The following KCNG3 variants were observed in gnomAD, a reference collection of about 807,000 sequenced individuals.
KCNG3 encodes potassium voltage-gated channel modifier subfamily G member 3.
KCNG3 carries 15 observed loss-of-function variants against 29.0 expected under a neutral mutation model. The observed-to-expected ratio is 0.52, with a 90% CI of 0.35 to 0.80. The LOEUF (loss-of-function observed/expected upper bound fraction) is 0.80, where lower values mean the gene tolerates loss of function less well. KCNG3 is among the 30% of genes least tolerant of loss of function. KCNG3 has a pLI of 0.01. For synonymous variants in KCNG3, 322 were observed against 248.9 expected (o/e 1.29, Z -2.76); for missense variants, 512 against 605.7 (o/e 0.85, Z 1.62).
At chr2:42,405,953 G>C in the KCNG3 span, among the ~76,000 whole-genome samples, 1 of 151,454 alleles carries the variant, frequency 6.6e-6, no homozygotes, top group African/African-American at 2.4e-5. Flanking sequence ...ATGTTGGCCA[G>C]GCTGGTCTTG....
rs756640865 is a variant in KCNG3, at chr2:42,479,577, T to C, written c.665+13260A>G. 2.0e-5 allele frequency among the ~76,000 whole-genome samples: 3 copies of C among 149,258 alleles called. No homozygotes were observed. In the Admixed American group the frequency reaches 2.0e-4, roughly 10 times the overall value. ...AGGAGGGTCGCTTGAGCTCAGTAGG[T>C]CGAGGCTGCAGTGAGCCAAGATAGC... On this transcript the variant is annotated intron_variant, in intron 1 of 1. Coordinates refer to ENST00000306078, the MANE Select transcript of KCNG3 (RefSeq NM_133329.6).
chr2:42,428,999 A>C, the KCNG3 span, among the ~76,000 whole-genome samples: 3 of 152,060 alleles, frequency 2.0e-5, no homozygotes, highest in Admixed American at 2.0e-4. Context: ...CACTCTTGTA[A>C]TCCCAGCTAC....
At chr2:42,437,844 C>T (rs569813548), downstream of KCNG3, among the ~76,000 whole-genome samples, 3 of 149,260 alleles carry the variant, frequency 2.0e-5, no homozygotes, top group Admixed American at 1.4e-4. Context: ...AGGCTGAGGC[C>T]GGAGAATTGC....
intron 1 of KCNG3, among the ~76,000 whole-genome samples, chr2:42,458,497 CA>C (rs1473519591): frequency 2.0e-5 from 3 of 151,730 alleles, no homozygotes; most frequent in African/African-American, 7.2e-5. Flanking sequence ...TTCCTGACTG[CA>C]AATGCAAAGG....
the KCNG3 span, among the ~76,000 whole-genome samples, chr2:42,392,354 T>C: frequency 6.6e-6 from 1 of 152,122 alleles, no homozygotes; most frequent in Non-Finnish European, 1.5e-5. Flanking sequence ...AGTTACAACC[T>C]GAAACTTTGG....
At position 42,468,014 on chromosome 2, in the gene KCNG3, G is replaced by A. The variant is rs559559951; in HGVS notation, c.666-23435C>T. ...TACTGAAATGTTGATACCAAACCCA[G>A]ACAGACAGTACAAGAGAGAAAAACT... On this transcript the variant is annotated intron_variant, in intron 1 of 1. Transcript: ENST00000306078. Among the ~76,000 whole-genome samples the A allele has an allele frequency of 7.3e-5, 11 of 149,924 alleles. No homozygotes were observed. In the South Asian group the frequency reaches 1.5e-3, roughly 20 times the overall value.
At chr2:42,480,179 T>C (rs1173426016) in intron 1 of KCNG3, among the ~76,000 whole-genome samples, 1 of 152,218 alleles carries the variant, frequency 6.6e-6, no homozygotes, top group East Asian at 1.9e-4. Flanking sequence ...TAGAACACTC[T>C]GTAAGTCAGG....
At position 42,446,192 on chromosome 2, in the gene KCNG3, A is replaced by G. The variant is rs538244081; in HGVS notation, c.666-1613T>C. Among the ~76,000 whole-genome samples, 977 of 150,094 alleles carry G rather than the reference A, an allele frequency of 6.5e-3. 9 individuals carry two copies. The highest frequency in any genetic ancestry group is 0.023 in the African/African-American group (939 of 40,854). On this transcript the variant is annotated intron_variant, in intron 1 of 1. Coordinates refer to ENST00000306078, the MANE Select transcript of KCNG3 (RefSeq NM_133329.6). ...AATTAACATTTTTTATTTTTTTTTA[A>G]TTGAGATGGAGTGTCGTTCTGTCAC...
the KCNG3 span, among the ~76,000 whole-genome samples, chr2:42,393,835 C>A: frequency 0.013 from 1,951 of 151,770 alleles, 34 homozygotes; most frequent in African/African-American, 0.045. Context: ...GGCTGGAGTG[C>A]AATGGTGCAA....
intron 1 of KCNG3, among the ~76,000 whole-genome samples, chr2:42,452,563 T>C (rs1197961788): frequency 6.6e-6 from 1 of 152,098 alleles, no homozygotes; most frequent in Non-Finnish European, 1.5e-5. Flanking sequence ...TTCTACTCTC[T>C]ATATTCATGA....
chr2:42,411,081 CAT>C, the KCNG3 span, among the ~76,000 whole-genome samples: 1 of 152,158 alleles, frequency 6.6e-6, no homozygotes, highest in Non-Finnish European at 1.5e-5. Context: ...GTTCTCTTAA[CAT>C]ATATAGATAT....
chr2:42,458,020 T>C (rs892133931), intron 1 of KCNG3, among the ~76,000 whole-genome samples: 11 of 152,162 alleles, frequency 7.2e-5, no homozygotes, highest in African/African-American at 2.7e-4. Context: ...AAGTCATACC[T>C]TGAATCACGC....
chr2:42,446,682 G>A (rs546314871), intron 1 of KCNG3, among the ~76,000 whole-genome samples: 1 of 152,072 alleles, frequency 6.6e-6, no homozygotes, highest in South Asian at 2.1e-4. Context: ...GAACACAAGT[G>A]GTACTTGATG....
chr2:42,439,925 G>A (rs1338281952), downstream of KCNG3, among the ~76,000 whole-genome samples: 1 of 152,186 alleles, frequency 6.6e-6, no homozygotes, highest in Non-Finnish European at 1.5e-5. Flanking sequence ...TTACAGGCGT[G>A]AGTCACCATG....
the KCNG3 span, among the ~76,000 whole-genome samples, chr2:42,390,211 T>C: frequency 2.6e-5 from 4 of 152,224 alleles, no homozygotes; most frequent in Non-Finnish European, 5.9e-5. Flanking sequence ...GCTGATGCTA[T>C]CTTATTTAGT....
At chr2:42,445,367 A>G (rs1672573192) in intron 1 of KCNG3, among the ~76,000 whole-genome samples, 1 of 152,166 alleles carries the variant, frequency 6.6e-6, no homozygotes, top group Admixed American at 6.5e-5. Flanking sequence ...CTTACAGTCA[A>G]TGCAAGATCA....
the KCNG3 span, among the ~76,000 whole-genome samples, chr2:42,403,477 G>GTTTT: frequency 0.026 from 2,291 of 87,768 alleles, 96 homozygotes; most frequent in Non-Finnish European, 0.034. Context: ...TTTCTTTTCT[G>GTTTT]TTTTTTTTTT....
In KCNG3 at chr2:42,444,258, G is replaced by A. The variant is rs1219888817; in HGVS notation, c.987C>T (p.Phe329=). Residue 329 remains phenylalanine (F), a synonymous_variant, in exon 2 of 2, where the codon TTC becomes TTT. Transcript: ENST00000306078. The surrounding 1 kb of genome is among the most constrained non-coding windows in gnomAD (Gnocchi z 5.8). ...CYREMVMLLV[F]ICVAMAIFSA... ...TAAAGATTGCCATGGCAACACAAAT[G>A]AAGACAAGTAACATAACCATCTCTC... 1 of 1,614,028 alleles carries A rather than the reference G, an allele frequency of 6.2e-7. No homozygotes were observed. The highest frequency in any genetic ancestry group is 1.3e-5 in the African/African-American group (1 of 74,912).
the KCNG3 span, among the ~76,000 whole-genome samples, chr2:42,388,912 T>C: frequency 6.6e-6 from 1 of 152,070 alleles, no homozygotes; most frequent in Non-Finnish European, 1.5e-5. Context: ...TTACTTTGTT[T>C]TGGTTTTTGT....
Sources: allele counts gnomAD v4.1 joint callset (sites outside exome capture counted in the v4.1 genomes callset), GRCh38; gene constraint gnomAD v4.1.1; non-coding constraint Gnocchi (gnomAD v3.1); transcripts MANE v1.5; gene names NCBI Gene and HGNC (gene_info 2026-07-23, HGNC 2026-07-21).